The following SNTB1 variants were observed in gnomAD, a reference collection of about 807,000 sequenced individuals.
SNTB1 encodes syntrophin beta 1.
A neutral mutation model predicts 48.9 loss-of-function variants in SNTB1; 36 were observed. The observed-to-expected ratio is 0.74, with a 90% CI of 0.56 to 0.97. SNTB1 has a LOEUF of 0.97. SNTB1 is among the 50% of genes least tolerant of loss of function. The pLI is 0.00. For missense variants in SNTB1, 786 were observed against 703.4 expected (o/e 1.12, Z -1.33); for synonymous variants, 299 against 294.6 (o/e 1.01, Z -0.15).
At chr8:120,655,766 T>C (rs1817491611) in intron 2 of SNTB1, among the ~76,000 whole-genome samples, 2 of 152,304 alleles carry the variant, frequency 1.3e-5, no homozygotes, top group African/African-American at 4.8e-5. Flanking sequence ...AGAATCCAAG[T>C]TCCCAGCCTT....
intron 1 of SNTB1, among the ~76,000 whole-genome samples, chr8:120,771,886 T>G (rs1290926838): frequency 6.6e-6 from 1 of 152,224 alleles, no homozygotes; most frequent in Non-Finnish European, 1.5e-5. Context: ...TTATTTGTTT[T>G]GAGACAAGGT....
In SNTB1 at chr8:120,539,706, C is replaced by T. The variant is rs144052377; in HGVS notation, c.1525-737G>A. Among the ~76,000 whole-genome samples the T allele has an allele frequency of 5.4e-3, 826 of 152,306 alleles. 8 individuals are homozygous for T. Among genetic ancestry groups the T allele is most frequent in the African/African-American group, 0.019 (784 of 41,566 alleles). On this transcript the variant is annotated intron_variant, in intron 6 of 6. Coordinates refer to ENST00000517992, the MANE Select transcript of SNTB1 (RefSeq NM_021021.4). ...AATTGGGAGAGTTGTTCTCAATTCTCTTCTGCTGTCCCCAGTTTTGTTCTG... is the reference window on the plus strand; with the variant it reads ...AATTGGGAGAGTTGTTCTCAATTCTTTTCTGCTGTCCCCAGTTTTGTTCTG...
intron 4 of SNTB1, among the ~76,000 whole-genome samples, chr8:120,556,912 C>T (rs1815575116): frequency 6.6e-6 from 1 of 152,152 alleles, no homozygotes; most frequent in Admixed American, 6.5e-5. Flanking sequence ...GGCTCACAGG[C>T]ATATTAGACT....
At chr8:120,674,073 GGA>G (rs1232762946) in intron 2 of SNTB1, among the ~76,000 whole-genome samples, 1 of 152,172 alleles carries the variant, frequency 6.6e-6, no homozygotes, top group Non-Finnish European at 1.5e-5. Flanking sequence ...TCATTGTAAA[GGA>G]GAGTTTTTTT....
At chr8:120,758,484 C>A (rs372632535) in intron 1 of SNTB1, among the ~76,000 whole-genome samples, 2 of 152,250 alleles carry the variant, frequency 1.3e-5, no homozygotes, top group African/African-American at 4.8e-5. Context: ...ATATCATGTT[C>A]CTTATTTGTG....
In SNTB1 at chr8:120,767,513, A is replaced by G. The variant is rs79574261; in HGVS notation, c.571+43760T>C. On this transcript the variant is annotated intron_variant, in intron 1 of 6. Transcript: ENST00000517992. ...TAGACCTTGAAAATGTTAACAACAA[A>G]ACACCAAAAAGGTAGTAGAAGGATC... 8.7e-3 allele frequency among the ~76,000 whole-genome samples: 1,328 copies of G among 152,346 alleles called. 9 individuals carry two copies. The highest frequency in any genetic ancestry group is 0.014 in the Non-Finnish European group (972 of 68,034).
chr8:120,608,950 A>C (rs1374921902), intron 3 of SNTB1, among the ~76,000 whole-genome samples: 1 of 152,218 alleles, frequency 6.6e-6, no homozygotes, highest in Non-Finnish European at 1.5e-5. Context: ...GGGAGTGTAA[A>C]ATAAGATGAT....
chr8:120,762,247 A>G (rs767869849), intron 1 of SNTB1, among the ~76,000 whole-genome samples: 17 of 152,260 alleles, frequency 1.1e-4, no homozygotes, highest in Non-Finnish European at 2.4e-4. Context: ...CATTTTTATA[A>G]ATGTCCTCCC....
chr8:120,637,243 G>A, intron 2 of SNTB1: 1 of 346,648 alleles, frequency 2.9e-6, no homozygotes, highest in Middle Eastern at 4.0e-4. Context: ...AACAAAATAA[G>A]ATGGGAAAAA....
chr8:120,725,658 A>C (rs1356719678), intron 1 of SNTB1, among the ~76,000 whole-genome samples: 1 of 152,208 alleles, frequency 6.6e-6, no homozygotes, highest in Non-Finnish European at 1.5e-5. Flanking sequence ...GATTGAAGGA[A>C]ATGAGTTGGT....
chr8:120,576,711 G>C (rs1279485747), intron 3 of SNTB1, among the ~76,000 whole-genome samples: 1 of 152,160 alleles, frequency 6.6e-6, no homozygotes, highest in Non-Finnish European at 1.5e-5. Flanking sequence ...ACTAGCTGTG[G>C]GGGTCTTGGG....
chr8:120,626,127 TG>T (rs1231939545), intron 3 of SNTB1, among the ~76,000 whole-genome samples: 1 of 151,996 alleles, frequency 6.6e-6, no homozygotes, highest in Non-Finnish European at 1.5e-5. Flanking sequence ...TACCTAGAAT[TG>T]GGGGGGATGA....
intron 1 of SNTB1, among the ~76,000 whole-genome samples, chr8:120,737,282 T>A (rs999098157): frequency 2.0e-5 from 3 of 152,184 alleles, no homozygotes; most frequent in Non-Finnish European, 4.4e-5. Context: ...GTTACCTACT[T>A]CATAGAGTTA....
chr8:120,636,232 T>C (rs1416676377), intron 2 of SNTB1, among the ~76,000 whole-genome samples: 1 of 151,980 alleles, frequency 6.6e-6, no homozygotes, highest in East Asian at 1.9e-4. Flanking sequence ...TTTCTTCTTC[T>C]TCTTTTTTTT....
At chr8:120,741,585 G>GTTCT in intron 1 of SNTB1, among the ~76,000 whole-genome samples, 1 of 152,222 alleles carries the variant, frequency 6.6e-6, no homozygotes, top group East Asian at 1.9e-4. Context: ...CTCCCACCTG[G>GTTCT]GTGATGTGAC....
chr8:120,747,571 A>G (rs1056414857), intron 1 of SNTB1, among the ~76,000 whole-genome samples: 1 of 152,196 alleles, frequency 6.6e-6, no homozygotes, highest in Non-Finnish European at 1.5e-5. Flanking sequence ...GATTACAGGC[A>G]TGAGCCATCA....
Position 120,811,685 on chromosome 8 carries a change from G to C in SNTB1, c.159C>G (p.Gly53=), listed in dbSNP as rs751000086. The C allele has an allele frequency of 1.9e-5, 31 of 1,589,758 alleles. No individual in the cohort carries two copies. In the African/African-American group the frequency reaches 3.3e-4, roughly 17 times the overall value. ...EDALVLSSEE[G]AAAYNGIGTA... ...TCCCGATGCCGTTGTACGCCGCAGCGCCCTCCTCGCTGCTCAGAACCAGGG... is the reference window on the plus strand; with the variant it reads ...TCCCGATGCCGTTGTACGCCGCAGCCCCCTCCTCGCTGCTCAGAACCAGGG... Residue 53 remains glycine, a synonymous_variant, in exon 1 of 7, where the codon GGC becomes GGG. Coordinates refer to ENST00000517992, the MANE Select transcript of SNTB1 (RefSeq NM_021021.4).
intron 3 of SNTB1, among the ~76,000 whole-genome samples, chr8:120,603,650 A>G (rs1453738121): frequency 2.0e-5 from 3 of 152,204 alleles, no homozygotes; most frequent in Non-Finnish European, 4.4e-5. Flanking sequence ...TGCATGCGAA[A>G]GTTGAAACAA....
At chr8:120,625,362 T>A (rs1398237376) in intron 3 of SNTB1, among the ~76,000 whole-genome samples, 1 of 152,206 alleles carries the variant, frequency 6.6e-6, no homozygotes, top group African/African-American at 2.4e-5. Flanking sequence ...AAATAAAATG[T>A]ACACACCCCC....
Sources: gnomAD v4.1 joint callset for allele counts (sites outside exome capture counted in the v4.1 genomes callset) on GRCh38, gnomAD v4.1.1 for gene constraint, MANE v1.5 for transcripts, NCBI Gene and HGNC (gene_info 2026-07-23, HGNC 2026-07-21) for gene names.